KCNMA1: variants seen among roughly 807,000 people sequenced by gnomAD.
The protein encoded by KCNMA1 is Calcium-activated potassium channel subunit alpha-1.
In KCNMA1, 29 loss-of-function variants were observed where a neutral mutation model predicts 140.0. The observed-to-expected ratio is 0.21, with a 90% CI of 0.15 to 0.28. KCNMA1 has a LOEUF of 0.28. Among genes scored for constraint, KCNMA1 ranks in the 10% least tolerant of loss-of-function variants. KCNMA1 has a pLI of 1.00. For synonymous variants in KCNMA1, 612 were observed against 611.9 expected, an observed-to-expected ratio of 1.00 and a Z score of 0.00; for missense variants, 880 against 1,602.2, an observed-to-expected ratio of 0.55 and a Z score of 7.70.
At chr10:76,930,812 A>G (rs920172541) in intron 23 of KCNMA1, among the ~76,000 whole-genome samples, 2 of 152,230 alleles carry the variant, frequency 1.3e-5, no homozygotes, top group Admixed American at 6.5e-5. Context: ...ATTCAGCCAT[A>G]AAAAAGAAAG....
rs1017699929 is a variant in KCNMA1, at chr10:77,204,689, C to T, written c.603-19773G>A. 2.0e-5 allele frequency among the ~76,000 whole-genome samples: 3 copies of T among 152,240 alleles called. No individual in the cohort carries two copies. In the East Asian group the frequency reaches 5.8e-4, roughly 29 times the overall value. ...CCTGCTTCCTCGACATGGTTTGGTG[C>T]CTATTGTCCTAGAATCATGTAGACT... On this transcript the variant is annotated intron_variant, in intron 3 of 27. Coordinates refer to ENST00000286628, the MANE Select transcript of KCNMA1 (RefSeq NM_001161352.2).
At position 77,455,867 on chromosome 10, in the gene KCNMA1, GCT is replaced by G. The variant is rs1405693473; in HGVS notation, c.379-51846_379-51845del. ...AATCCAAACGCCCCCTTTCCATTCA[GCT>G]CTTAGTCCTCAGAGCTTTCAGTCCA... On this transcript the variant is annotated intron_variant, in intron 1 of 27. Transcript: ENST00000286628. Among the ~76,000 whole-genome samples the G allele has an allele frequency of 3.3e-5, 5 of 152,192 alleles. No homozygotes were observed. The South Asian group carries it at 1.0e-3, about 31-fold the overall frequency.
chr10:77,287,153 G>T (rs975175038), intron 2 of KCNMA1, among the ~76,000 whole-genome samples: 1 of 152,192 alleles, frequency 6.6e-6, no homozygotes, highest in Non-Finnish European at 1.5e-5. Flanking sequence ...ATGCATCAGG[G>T]TTTGCACTGC....
intron 20 of KCNMA1, among the ~76,000 whole-genome samples, chr10:76,960,618 G>GTTTT (rs55685324): frequency 1.2e-4 from 7 of 59,342 alleles, no homozygotes; most frequent in African/African-American, 2.7e-4. Context: ...TTATGGTTTT[G>GTTTT]TTTTTTTTTT....
chr10:77,144,227 T>C (rs543578916), intron 5 of KCNMA1, among the ~76,000 whole-genome samples: 8 of 152,266 alleles, frequency 5.3e-5, no homozygotes, highest in African/African-American at 1.9e-4. Flanking sequence ...TAATGGAATA[T>C]TAGCAGCAAT....
chr10:77,279,245 G>T (rs1164608418), intron 2 of KCNMA1, among the ~76,000 whole-genome samples: 1 of 152,182 alleles, frequency 6.6e-6, no homozygotes, highest in Non-Finnish European at 1.5e-5. Context: ...GGAAAGGAAA[G>T]AAACTGGGAG....
intron 1 of KCNMA1, among the ~76,000 whole-genome samples, chr10:77,427,399 TCA>T (rs2154492027): frequency 6.6e-6 from 1 of 152,348 alleles, no homozygotes; most frequent in Non-Finnish European, 1.5e-5. Flanking sequence ...TCTGTGAGCT[TCA>T]GTGCCCTCCC....
chr10:77,636,633 C>G, intron 1 of KCNMA1: 1 of 1,535,998 alleles, frequency 6.5e-7, no homozygotes, highest in Non-Finnish European at 8.7e-7. Flanking sequence ...AAGTGGCAGC[C>G]CCGTGGGCTA....
At chr10:77,053,081 G>C (rs1199627426) in intron 14 of KCNMA1, among the ~76,000 whole-genome samples, 1 of 152,116 alleles carries the variant, frequency 6.6e-6, no homozygotes, top group Non-Finnish European at 1.5e-5. Flanking sequence ...AAACTGACAG[G>C]CAGGCCATCA....
intron 2 of KCNMA1, among the ~76,000 whole-genome samples, chr10:77,269,172 T>A (rs1473094089): frequency 1.3e-5 from 2 of 152,206 alleles, no homozygotes; most frequent in African/African-American, 4.8e-5. Context: ...GCCTGAAATT[T>A]CACCATTAGA....
rs1462985004 is a variant in KCNMA1 at position 77,472,015 on chromosome 10, CCA to C, written c.379-67994_379-67993del. On this transcript the variant is annotated intron_variant, in intron 1 of 27. Transcript: ENST00000286628. Reference sequence around the variant, plus strand: ...CATACACACACCACACACACATACACCACACACCACACACATGACACATATTC... The same window carrying C: ...CATACACACACCACACACACATACACCACACCACACACATGACACATATTC... Among the ~76,000 whole-genome samples the C allele has an allele frequency of 6.7e-5, 7 of 104,838 alleles. No individual in the cohort carries two copies. In the South Asian group the frequency reaches 1.8e-3, roughly 27 times the overall value. 68.8% of individuals were successfully genotyped at this position (104,838 alleles called of 152,430 possible). A position where few individuals can be genotyped will look rare whatever the true frequency, so the allele number is the denominator to read the frequency against.
At chr10:77,413,154 C>T (rs1007894637) in intron 1 of KCNMA1, among the ~76,000 whole-genome samples, 6 of 152,204 alleles carry the variant, frequency 3.9e-5, no homozygotes, top group South Asian at 2.1e-4. Flanking sequence ...CCACCTCGCC[C>T]GGCCCCATGT....
At chr10:77,396,745 C>T (rs1397179643) in intron 2 of KCNMA1, among the ~76,000 whole-genome samples, 5 of 152,074 alleles carry the variant, frequency 3.3e-5, no homozygotes, top group Admixed American at 6.5e-5. Context: ...CTTCTTACAT[C>T]GATAAATCAT....
Position 77,079,472 on chromosome 10 carries a change from C to T in KCNMA1, c.1593+9G>A, listed in dbSNP as rs377111162. On this transcript the variant is annotated intron_variant, in intron 13 of 27. Coordinates refer to ENST00000286628, the MANE Select transcript of KCNMA1 (RefSeq NM_001161352.2). ...TCTTCAGACCTGGAGCGGGCTCTCG[C>T]ACTCCTACCTTGTTGTGATACTGCA... 1.9e-6 allele frequency: 3 copies of T among 1,603,332 alleles called. No homozygotes were observed. Among genetic ancestry groups the T allele is most frequent in the African/African-American group, 2.7e-5 (2 of 74,582 alleles).
At chr10:77,571,165 C>T (rs2071133953) in intron 1 of KCNMA1, among the ~76,000 whole-genome samples, 1 of 152,092 alleles carries the variant, frequency 6.6e-6, no homozygotes, top group African/African-American at 2.4e-5. Flanking sequence ...TTACCTATTC[C>T]ATTGGAACTA....
At chr10:77,039,127 A>G (rs983804876) in intron 15 of KCNMA1, 1 of 288,982 alleles carries the variant, frequency 3.5e-6, no homozygotes, top group Non-Finnish European at 6.7e-6. Flanking sequence ...CTATGATCAG[A>G]CTTGATGGGA....
chr10:77,042,328 GCA>G (rs2094769033), intron 14 of KCNMA1, among the ~76,000 whole-genome samples: 1 of 152,158 alleles, frequency 6.6e-6, no homozygotes, highest in Non-Finnish European at 1.5e-5. Flanking sequence ...TGACTTATAA[GCA>G]AAGGTCACTA....
chr10:77,613,124 C>T (rs1239506961), intron 1 of KCNMA1, among the ~76,000 whole-genome samples: 1 of 152,194 alleles, frequency 6.6e-6, no homozygotes, highest in Non-Finnish European at 1.5e-5. Context: ...CTCTATGAGT[C>T]TCAGCTCCTG....
intron 25 of KCNMA1, among the ~76,000 whole-genome samples, 200 bp from the exon 26 acceptor site, chr10:76,891,919 C>T (rs1304921941): frequency 3.3e-5 from 5 of 152,100 alleles, no homozygotes; most frequent in South Asian, 2.1e-4. Context: ...GGCTCTGCTA[C>T]GACAGCCTGA....
Sources: gnomAD v4.1 joint callset for allele counts (sites outside exome capture counted in the v4.1 genomes callset) on GRCh38, gnomAD v4.1.1 for gene constraint, MANE v1.5 for transcripts, NCBI Gene and HGNC (gene_info 2026-07-23, HGNC 2026-07-21) for gene names.